The following DEUP1 variants were observed in gnomAD, a reference collection of about 807,000 sequenced individuals.
DEUP1 encodes the protein deuterosome assembly protein 1.
Under a neutral mutation model 87.4 loss-of-function variants are expected in DEUP1, and 82 were observed. The observed-to-expected ratio is 0.94, with a 90% CI of 0.78 to 1.13. DEUP1 has a LOEUF of 1.13. DEUP1 is among the 50% of genes most tolerant of loss of function. The pLI, the probability that DEUP1 is intolerant of heterozygous loss-of-function variation, is 0.00. For synonymous variants in DEUP1, 214 were observed against 222.7 expected (o/e 0.96, Z 0.35); for missense variants, 663 against 681.5 (o/e 0.97, Z 0.30).
At chr11:93,346,696 G>C (rs1411875347) in intron 2 of DEUP1, among the ~76,000 whole-genome samples, 1 of 152,100 alleles carries the variant, frequency 6.6e-6, no homozygotes, top group Non-Finnish European at 1.5e-5. Context: ...TTTTCCATTT[G>C]TTTGTGTCAT....
At chr11:93,399,276 G>A (rs1947041735) in intron 11 of DEUP1, among the ~76,000 whole-genome samples, 1 of 151,268 alleles carries the variant, frequency 6.6e-6, no homozygotes, top group Non-Finnish European at 1.5e-5. Flanking sequence ...TTTTGCGTGG[G>A]ATATAAAATG....
chr11:93,371,107 A>G lies in DEUP1; in HGVS notation c.616A>G (p.Ile206Val), dbSNP rs1374810880. 3 of 1,612,932 alleles carry G rather than the reference A, an allele frequency of 1.9e-6. No individual in the cohort carries two copies. In the Admixed American group the frequency reaches 5.0e-5, roughly 27 times the overall value. ...KQCLEDSSSE[I>V]PRLICDPDPN... ...GTGCTTAGAAGACAGCAGCTCTGAA[A>G]TTCCTCGTTTGATATGTGACCCAGA... Residue 206 changes from isoleucine (I) to valine (V), a missense_variant, in exon 7 of 14, where the codon ATT becomes GTT. Ile to Val is a conservative substitution (Grantham distance 29). Coordinates refer to ENST00000298050, the MANE Select transcript of DEUP1 (RefSeq NM_181645.4).
chr11:93,371,282 T>G lies in DEUP1; in HGVS notation c.789+2T>G. The G allele has an allele frequency of 6.2e-7, 1 of 1,607,412 alleles. No homozygotes were observed. Among genetic ancestry groups the G allele is most frequent in the Non-Finnish European group, 8.5e-7 (1 of 1,177,398 alleles). ...AAAATGTACCAAAGACAGTGCCAGG[T>G]GAAGATTAATTTTTTTTCAACTAAT... On this transcript the variant is annotated splice_donor_variant, in intron 7 of 13. Transcript: ENST00000298050. LOFTEE classifies it high-confidence loss of function.
rs758776348 is a variant in DEUP1, at chr11:93,437,750, C to T, written c.*31C>T. The T allele has an allele frequency of 1.9e-6, 2 of 1,044,882 alleles. No homozygotes were observed. The highest frequency in any genetic ancestry group is 1.4e-6 in the Non-Finnish European group (1 of 725,242). 64.7% of individuals were successfully genotyped at this position (1,044,882 alleles called of 1,614,324 possible). On this transcript the variant is annotated 3_prime_UTR_variant, in exon 14 of 14. Transcript: ENST00000298050. ...TAAACTTTTTTATTTGCTTCCCCCCCCCACCCCCGCCAAGAAAAAAAGCTC... is the reference window on the plus strand; with the variant it reads ...TAAACTTTTTTATTTGCTTCCCCCCTCCACCCCCGCCAAGAAAAAAAGCTC...
At chr11:93,407,174 T>C (rs1181554743) in intron 11 of DEUP1, among the ~76,000 whole-genome samples, 1 of 151,716 alleles carries the variant, frequency 6.6e-6, no homozygotes. Context: ...ACAAGATTTA[T>C]GTATAAGGAA....
chr11:93,436,353 C>G (rs1201682193), intron 13 of DEUP1, among the ~76,000 whole-genome samples: 1 of 152,204 alleles, frequency 6.6e-6, no homozygotes, highest in African/African-American at 2.4e-5. Context: ...GTGACAGCTT[C>G]ATTAACATAA....
At chr11:93,415,155 T>A (rs771468029) in intron 13 of DEUP1, 41 bp downstream of exon 13, 1 of 1,204,806 alleles carries the variant, frequency 8.3e-7, no homozygotes, top group Non-Finnish European at 1.2e-6. Context: ...TTTAATGGGT[T>A]ATTGCTTTAC....
intron 13 of DEUP1, among the ~76,000 whole-genome samples, chr11:93,417,681 T>A (rs1005016143): frequency 6.8e-6 from 1 of 146,748 alleles, no homozygotes; most frequent in African/African-American, 2.6e-5. Context: ...AAAAAACTAC[T>A]TTAAAGTTCA....
At chr11:93,352,851 C>G (rs908554478) in intron 2 of DEUP1, among the ~76,000 whole-genome samples, 10 of 152,128 alleles carry the variant, frequency 6.6e-5, no homozygotes, top group Non-Finnish European at 1.2e-4. Context: ...CCTCCCCACC[C>G]CAGGTCTCTT....
chr11:93,380,357 T>G (rs1426263028), intron 7 of DEUP1, among the ~76,000 whole-genome samples: 1 of 152,114 alleles, frequency 6.6e-6, no homozygotes, highest in Non-Finnish European at 1.5e-5. Flanking sequence ...AGAACTTGAT[T>G]GAGAAATTTC....
chr11:93,354,947 T>C (rs1944821689), intron 2 of DEUP1, among the ~76,000 whole-genome samples: 1 of 152,150 alleles, frequency 6.6e-6, no homozygotes, highest in Non-Finnish European at 1.5e-5. Flanking sequence ...GCCCAGTTGG[T>C]ACCCTTGAAT....
intron 2 of DEUP1, among the ~76,000 whole-genome samples, chr11:93,336,186 A>C (rs1943754511): frequency 6.6e-6 from 1 of 152,196 alleles, no homozygotes; most frequent in African/African-American, 2.4e-5. Context: ...GAAACTTACA[A>C]TCATGGCAGA....
At position 93,385,075 on chromosome 11, in the gene DEUP1, A is replaced by T. The variant is rs184647573; in HGVS notation, c.790-323A>T. The stretch of plus-strand genomic sequence containing the variant: ...CATCTCTACTAAAAATATAAAAATT[A>T]GCTGGGCATGGTGGCACGAGCCTTT... On this transcript the variant is annotated intron_variant, in intron 7 of 13. Coordinates refer to ENST00000298050, the MANE Select transcript of DEUP1 (RefSeq NM_181645.4). Among the ~76,000 whole-genome samples the T allele has an allele frequency of 5.6e-4, 85 of 152,312 alleles. 1 individual carries two copies. The highest frequency in any genetic ancestry group is 1.0e-3 in the Non-Finnish European group (69 of 68,016).
At chr11:93,378,425 C>T (rs1380160840) in intron 7 of DEUP1, among the ~76,000 whole-genome samples, 1 of 151,964 alleles carries the variant, frequency 6.6e-6, no homozygotes, top group Non-Finnish European at 1.5e-5. Flanking sequence ...TTTTGAATTT[C>T]TCTAAGTGTG....
rs769619796 is a variant in DEUP1, at chr11:93,371,297, T to C, written c.789+17T>C. On this transcript the variant is annotated intron_variant, in intron 7 of 13. Coordinates refer to ENST00000298050, the MANE Select transcript of DEUP1 (RefSeq NM_181645.4). ...CAGTGCCAGGTGAAGATTAATTTTT[T>C]TTCAACTAATATTGTCCATGACTTG... is the stretch of plus-strand genomic sequence containing the variant. 6 of 1,604,680 alleles carry C rather than the reference T, an allele frequency of 3.7e-6. No homozygotes were observed. Among genetic ancestry groups the C allele is most frequent in the African/African-American group, 1.3e-5 (1 of 74,370 alleles).
In DEUP1 at chr11:93,371,092, G is replaced by A; in HGVS notation, c.601G>A (p.Asp201Asn). 1 of 1,612,492 alleles carries A rather than the reference G, an allele frequency of 6.2e-7. No individual in the cohort carries two copies. The highest frequency in any genetic ancestry group is 8.5e-7 in the Non-Finnish European group (1 of 1,179,046). ...AAATGGTAAAAAACAGTGCTTAGAA[G>A]ACAGCAGCTCTGAAATTCCTCGTTT... Reference protein sequence around the residue: ...QLNGKKQCLEDSSSEIPRLIC... With the variant: ...QLNGKKQCLENSSSEIPRLIC... Residue 201 changes from aspartate to asparagine, a missense_variant, in exon 7 of 14, where the codon GAC (aspartate) becomes AAC (asparagine). Asp to Asn is a conservative substitution (Grantham distance 23). Transcript: ENST00000298050.
intron 8 of DEUP1, among the ~76,000 whole-genome samples, chr11:93,387,888 A>G (rs930642012): frequency 7.9e-5 from 12 of 152,124 alleles, no homozygotes; most frequent in Admixed American, 5.2e-4. Context: ...GTATGTTCTA[A>G]TTATATGGGA....
At chr11:93,427,078 C>T (rs1246898781) in intron 13 of DEUP1, among the ~76,000 whole-genome samples, 7 of 132,444 alleles carry the variant, frequency 5.3e-5, no homozygotes, top group Admixed American at 8.0e-5. Context: ...CAGTGCCATC[C>T]GCATCAAGCT....
chr11:93,415,401 C>T (rs778527701), intron 13 of DEUP1, among the ~76,000 whole-genome samples: 9 of 152,030 alleles, frequency 5.9e-5, no homozygotes, highest in Non-Finnish European at 1.2e-4. Context: ...TTGGGACTCA[C>T]CCTTCAATAT....
Sources: gnomAD v4.1 joint callset for allele counts (sites outside exome capture counted in the v4.1 genomes callset) on GRCh38, gnomAD v4.1.1 for gene constraint, MANE v1.5 for transcripts, NCBI Gene and HGNC (gene_info 2026-07-23, HGNC 2026-07-21) for gene names.